The following DPP6 variants were observed in gnomAD, a reference collection of about 807,000 sequenced individuals.
DPP6 encodes A-type potassium channel modulatory protein DPP6.
DPP6 carries 69 observed loss-of-function variants against 122.6 expected under a neutral mutation model. That is an observed-to-expected ratio of 0.56 (90% CI 0.46 to 0.69). The LOEUF is 0.69. Among genes scored for constraint, DPP6 ranks in the 30% least tolerant of loss-of-function variants. The pLI is 0.00. For synonymous variants in DPP6, 418 were observed against 433.1 expected, an observed-to-expected ratio of 0.97 and a Z score of 0.43; for missense variants, 928 against 1,116.9, an observed-to-expected ratio of 0.83 and a Z score of 2.41.
At chr7:154,530,731 G>A (rs972676286) in intron 3 of DPP6, among the ~76,000 whole-genome samples, 8 of 152,104 alleles carry the variant, frequency 5.3e-5, no homozygotes, top group African/African-American at 1.9e-4. Context: ...GCAAAGACAT[G>A]GAATCAACCC....
the DPP6 span, among the ~76,000 whole-genome samples, chr7:153,852,625 A>G: frequency 6.6e-6 from 1 of 152,176 alleles, no homozygotes; most frequent in Non-Finnish European, 1.5e-5. Context: ...CACAGTTCCA[A>G]ACCATATCAG....
chr7:154,232,448 A>G (rs1190848871), intron 1 of DPP6, among the ~76,000 whole-genome samples: 1 of 152,212 alleles, frequency 6.6e-6, no homozygotes, highest in Non-Finnish European at 1.5e-5. Flanking sequence ...TGGAAAGTAG[A>G]TAAGTACCAT....
rs922283752 is a variant in DPP6 at position 154,486,800 on chromosome 7, G to A, written c.457+11763G>A. Among the ~76,000 whole-genome samples, 4 of 152,098 alleles carry A rather than the reference G, an allele frequency of 2.6e-5. No homozygotes were observed. Among genetic ancestry groups the A allele is most frequent in the Non-Finnish European group, 4.4e-5 (3 of 68,024 alleles). On this transcript the variant is annotated intron_variant, in intron 3 of 25. Coordinates refer to ENST00000377770, the MANE Select transcript of DPP6 (RefSeq NM_130797.4). The surrounding 1 kb of genome is among the most constrained non-coding windows in gnomAD (Gnocchi z 4.5). ...GGGCAGCCGATTTCTTCCACACCAC[G>A]CTGGTCCCTTCCAGAGGTGCTGTAG...
intron 1 of DPP6, among the ~76,000 whole-genome samples, chr7:154,176,066 A>G (rs1266897158): frequency 6.6e-6 from 1 of 152,162 alleles, no homozygotes; most frequent in Non-Finnish European, 1.5e-5. Flanking sequence ...AAGTGGATAC[A>G]TATTTTGTGT....
At chr7:153,910,693 T>C (rs1800051111) in intron 1 of DPP6, among the ~76,000 whole-genome samples, 1 of 152,154 alleles carries the variant, frequency 6.6e-6, no homozygotes. Context: ...TGGATTTACC[T>C]CTTCCACCCC....
Position 153,891,459 on chromosome 7 carries a change from A to G in DPP6, c.51+3725A>G, listed in dbSNP as rs955046150. 2.0e-5 allele frequency among the ~76,000 whole-genome samples: 3 copies of G among 152,346 alleles called. No individual in the cohort carries two copies. In the East Asian group the frequency reaches 5.8e-4, roughly 29 times the overall value. On this transcript the variant is annotated intron_variant, in intron 1 of 25. Coordinates refer to the DPP6 transcript ENST00000404039. ...GATAAATATTTTTTACTTGCTCGAA[A>G]CAAAAATTATTTTTTTAAAAATAGC...
At chr7:154,195,968 T>C (rs1363551615) in intron 1 of DPP6, among the ~76,000 whole-genome samples, 1 of 152,194 alleles carries the variant, frequency 6.6e-6, no homozygotes, top group Non-Finnish European at 1.5e-5. Flanking sequence ...CTTCTCCCTT[T>C]TCAAGACCCT....
intron 1 of DPP6, among the ~76,000 whole-genome samples, chr7:153,958,353 C>A (rs1017843528): frequency 7.2e-5 from 11 of 152,132 alleles, no homozygotes; most frequent in African/African-American, 2.7e-4. Context: ...CTCATTCCCT[C>A]CACCCGAGCA....
chr7:153,832,411 A>G, the DPP6 span, among the ~76,000 whole-genome samples: 2 of 152,228 alleles, frequency 1.3e-5, no homozygotes, highest in African/African-American at 4.8e-5. Flanking sequence ...CACTGATTTC[A>G]GTTGAATGCT....
intron 1 of DPP6, among the ~76,000 whole-genome samples, chr7:154,384,892 AT>A (rs1346915770): frequency 6.6e-6 from 1 of 152,096 alleles, no homozygotes; most frequent in Non-Finnish European, 1.5e-5. Context: ...ACAGATGATG[AT>A]ATAGCTCTAA....
chr7:154,758,233 A>C (rs980788105), intron 8 of DPP6, among the ~76,000 whole-genome samples: 58 of 152,172 alleles, frequency 3.8e-4, no homozygotes, highest in Admixed American at 3.4e-3. Flanking sequence ...TCGGTGTGTC[A>C]GTCAGGGCCG....
intron 1 of DPP6, among the ~76,000 whole-genome samples, chr7:153,918,474 T>A (rs1383614900): frequency 4.5e-5 from 6 of 133,096 alleles, no homozygotes; most frequent in African/African-American, 8.5e-5. Flanking sequence ...ACACTCTCTC[T>A]CTCTCTCTCT....
At chr7:154,101,080 G>A (rs1171947555) in intron 1 of DPP6, among the ~76,000 whole-genome samples, 2 of 130,098 alleles carry the variant, frequency 1.5e-5, no homozygotes, top group African/African-American at 5.2e-5. Context: ...CTTGTCTCCA[G>A]GTCTTTGTAT....
At chr7:154,565,685 C>G (rs1329211149) in intron 4 of DPP6, among the ~76,000 whole-genome samples, 1 of 152,118 alleles carries the variant, frequency 6.6e-6, no homozygotes, top group East Asian at 1.9e-4. Flanking sequence ...ACCACCATAC[C>G]CAGCTAATTT....
intron 3 of DPP6, among the ~76,000 whole-genome samples, chr7:154,508,206 T>G (rs11763727): frequency 0.25 from 38,103 of 152,024 alleles, 4,949 homozygotes; most frequent in Middle Eastern, 0.33. Flanking sequence ...TTTAGTGAAC[T>G]CCTGTCTCCT....
At chr7:154,034,698 A>G (rs1799429777) in intron 1 of DPP6, among the ~76,000 whole-genome samples, 2 of 151,888 alleles carry the variant, frequency 1.3e-5, no homozygotes, top group Admixed American at 6.6e-5. Flanking sequence ...GTGATTATCA[A>G]GTTGTTCTTG....
intron 1 of DPP6, among the ~76,000 whole-genome samples, chr7:153,948,618 TA>T (rs869081054): frequency 0.013 from 576 of 42,936 alleles, 5 homozygotes; most frequent in East Asian, 0.13. Context: ...ACTGTTTTTT[TA>T]TTTTTATTTT....
At chr7:153,809,592 G>GC in the DPP6 span, among the ~76,000 whole-genome samples, 4 of 152,188 alleles carry the variant, frequency 2.6e-5, no homozygotes, top group African/African-American at 9.7e-5. Context: ...GGAGCTTGCA[G>GC]CCCTTTCCTT....
At chr7:154,699,623 C>G (rs73730240) in intron 7 of DPP6, among the ~76,000 whole-genome samples, 1 of 152,194 alleles carries the variant, frequency 6.6e-6, no homozygotes, top group Non-Finnish European at 1.5e-5. Context: ...CCCAGACAGC[C>G]GGGCCCCTGT....
Sources: allele counts gnomAD v4.1 joint callset (sites outside exome capture counted in the v4.1 genomes callset), GRCh38; gene constraint gnomAD v4.1.1; non-coding constraint Gnocchi (gnomAD v3.1); transcripts MANE v1.5; gene names NCBI Gene and HGNC (gene_info 2026-07-23, HGNC 2026-07-21).